Variants in TRPC1 observed in about 807,000 individuals in gnomAD.
The protein encoded by TRPC1 is transient receptor potential cation channel subfamily C member 1.
In TRPC1, 42 loss-of-function variants were observed where a neutral mutation model predicts 88.2. The observed-to-expected ratio is 0.48, with a 90% CI of 0.37 to 0.62. TRPC1 has a LOEUF of 0.62. Ranked by LOEUF, TRPC1 falls within the 20% of genes least tolerant of loss-of-function variation. The probability of loss-of-function intolerance (pLI) is 0.00; values close to 1 mark genes in which losing one functional copy is unlikely to be tolerated. For missense variants in TRPC1, 699 were observed against 957.3 expected (o/e 0.73, Z 3.56); for synonymous variants, 288 against 331.8 (o/e 0.87, Z 1.43).
Position 142,724,633 on chromosome 3 carries a change from C to T in TRPC1, c.74C>T (p.Ser25Phe). The T allele has an allele frequency of 6.2e-7, 1 of 1,612,848 alleles. No individual in the cohort carries two copies. Among genetic ancestry groups the T allele is most frequent in the Non-Finnish European group, 8.5e-7 (1 of 1,179,518 alleles). ...TCCTCCCTGCCTTCCTCTCCATCCTCTTCCTCGCCGAACGAGGTGATGGCG... is the reference window on the plus strand; with the variant it reads ...TCCTCCCTGCCTTCCTCTCCATCCTTTTCCTCGCCGAACGAGGTGATGGCG... ...SSSSLPSSPS[S>F]SSPNEVMALK... Residue 25 changes from serine (S) to phenylalanine (F), a missense_variant, in exon 1 of 13, where the codon TCT becomes TTT. By Grantham distance (155) the Ser-to-Phe change is radical. Coordinates refer to ENST00000476941, the MANE Select transcript of TRPC1 (RefSeq NM_001251845.2). The surrounding 1 kb of genome is among the most constrained non-coding windows in gnomAD (Gnocchi z 5.6).
intron 1 of TRPC1, among the ~76,000 whole-genome samples, chr3:142,727,188 T>C (rs1933713781): frequency 6.6e-6 from 1 of 152,204 alleles, no homozygotes; most frequent in African/African-American, 2.4e-5. Flanking sequence ...TTACATTTGT[T>C]CAATGAAGGG....
At chr3:142,775,657 G>A (rs941286007) in intron 4 of TRPC1, among the ~76,000 whole-genome samples, 1 of 151,978 alleles carries the variant, frequency 6.6e-6, no homozygotes, top group Non-Finnish European at 1.5e-5. Flanking sequence ...TTGGACAGTA[G>A]GCTAATTTCT....
At chr3:142,802,780 C>T (rs45497994) in intron 10 of TRPC1, among the ~76,000 whole-genome samples, 43,156 of 152,018 alleles carry the variant, frequency 0.28, 7,896 homozygotes, top group African/African-American at 0.53. Context: ...ATTAGAACTT[C>T]ATGAACATTT....
At chr3:142,727,031 A>C (rs1252242160) in intron 1 of TRPC1, among the ~76,000 whole-genome samples, 1 of 152,166 alleles carries the variant, frequency 6.6e-6, no homozygotes, top group Non-Finnish European at 1.5e-5. Flanking sequence ...TTGAGCCTGC[A>C]CTCCTAACCA....
chr3:142,739,428 T>G (rs1290312687), intron 2 of TRPC1, among the ~76,000 whole-genome samples: 1 of 152,162 alleles, frequency 6.6e-6, no homozygotes, highest in Non-Finnish European at 1.5e-5. Flanking sequence ...TAATCTACTC[T>G]CAAACATGTA....
chr3:142,749,054 A>T (rs1934658046), intron 4 of TRPC1, among the ~76,000 whole-genome samples: 1 of 152,232 alleles, frequency 6.6e-6, no homozygotes, highest in Non-Finnish European at 1.5e-5. Flanking sequence ...TCTGATTTTC[A>T]GCAGAAACAT....
chr3:142,765,053 T>C (rs1935334297), intron 4 of TRPC1, among the ~76,000 whole-genome samples: 1 of 152,116 alleles, frequency 6.6e-6, no homozygotes, highest in Non-Finnish European at 1.5e-5. Context: ...AAATCAAGAA[T>C]GCAGTCCCAT....
Position 142,806,190 on chromosome 3 carries a change from T to C in TRPC1, c.2337T>C (p.Leu779=). 4 of 1,613,434 alleles carry C rather than the reference T, an allele frequency of 2.5e-6. No individual in the cohort carries two copies. The highest frequency in any genetic ancestry group is 3.4e-6 in the Non-Finnish European group (4 of 1,179,462). ...TCCGAAATGAAATAAGGGATTTACTTGGCTTTCGGACTTCTAAATATGCTA... is the reference window on the plus strand; with the variant it reads ...TCCGAAATGAAATAAGGGATTTACTCGGCTTTCGGACTTCTAAATATGCTA... ...SKFRNEIRDL[L]GFRTSKYAMF... The change falls in exon 13 of 13, where the codon CTT becomes CTC. Residue 779 remains leucine (L), a synonymous_variant. Coordinates refer to ENST00000476941, the MANE Select transcript of TRPC1 (RefSeq NM_001251845.2).
At chr3:142,768,073 A>G (rs1003422203) in intron 4 of TRPC1, among the ~76,000 whole-genome samples, 8 of 152,000 alleles carry the variant, frequency 5.3e-5, no homozygotes, top group Admixed American at 2.6e-4. Flanking sequence ...GTATGATTTT[A>G]TGCCTTTTTA....
intron 6 of TRPC1, among the ~76,000 whole-genome samples, chr3:142,783,466 A>G (rs548804985): frequency 6.6e-6 from 1 of 152,330 alleles, no homozygotes; most frequent in Non-Finnish European, 1.5e-5. Flanking sequence ...TCTTTCAATT[A>G]CTTATAACAC....
chr3:142,780,843 T>C lies in TRPC1; in HGVS notation c.774T>C (p.Tyr258=). The C allele has an allele frequency of 1.9e-6, 3 of 1,605,670 alleles. No homozygotes were observed. In the South Asian group the frequency reaches 3.4e-5, roughly 18 times the overall value. ...SLVEVEFRND[Y]EELARQCKMF... The stretch of plus-strand genomic sequence containing the variant: ...ATGCTGCATTTTATAGGAATGATTA[T>C]GAGGAACTAGCCCGGCAATGTAAAA... Residue 258 remains tyrosine (Y), a synonymous_variant, in exon 6 of 13, where the codon TAT becomes TAC. Coordinates refer to ENST00000476941, the MANE Select transcript of TRPC1 (RefSeq NM_001251845.2).
chr3:142,736,233 A>G, intron 1 of TRPC1, 146 bp from the exon 2 acceptor site: 1 of 514,080 alleles, frequency 1.9e-6, no homozygotes, highest in Non-Finnish European at 3.1e-6. Flanking sequence ...CATCAAGGAA[A>G]TGTTCACATT....
Position 142,804,580 on chromosome 3 carries a change from A to C in TRPC1, c.2104A>C (p.Ile702Leu), listed in dbSNP as rs1337490696. 2 of 1,611,778 alleles carry C rather than the reference A, an allele frequency of 1.2e-6. No individual in the cohort carries two copies. Among genetic ancestry groups the C allele is most frequent in the Non-Finnish European group, 1.7e-6 (2 of 1,178,886 alleles). Reference sequence around the variant, plus strand: ...TATGATTAGTAGCCTCAGTAAGTGGATTTGCTCTCATACATCAAAAGGCAA... The same window carrying C: ...TATGATTAGTAGCCTCAGTAAGTGGCTTTGCTCTCATACATCAAAAGGCAA... ...CYMISSLSKW[I>L]CSHTSKGKVK... is the part of the protein sequence containing the mutation. Residue 702 changes from isoleucine (I) to leucine (L), a missense_variant, in exon 12 of 13, where the codon ATT becomes CTT. Physicochemically the swap from Ile to Leu is conservative, Grantham distance 5. Transcript: ENST00000476941.
chr3:142,788,426 A>G lies in TRPC1; in HGVS notation c.1298-2593A>G, dbSNP rs183020501. ...TGAAGGAAAGGGAGATTATTAAGCA[A>G]TATTGGTCTTTTGGAAGAGTACTAG... On this transcript the variant is annotated intron_variant, in intron 7 of 12. Transcript: ENST00000476941. Among the ~76,000 whole-genome samples the G allele has an allele frequency of 2.8e-3, 431 of 152,244 alleles. 1 individual carries two copies. Among genetic ancestry groups the G allele is most frequent in the Non-Finnish European group, 5.1e-3 (349 of 68,022 alleles).
In TRPC1 at chr3:142,803,827, T is replaced by A; in HGVS notation, c.1758-150T>A. ...TTGTTTAAATTTAAAGTAAGGCATA[T>A]CAGTACTGTGGAAGTCAACATCATT... On this transcript the variant is annotated intron_variant, in intron 10 of 12. Transcript: ENST00000476941. The A allele has an allele frequency of 1.5e-5, 11 of 731,916 alleles. No homozygotes were observed. In the South Asian group the frequency reaches 1.9e-4, roughly 13 times the overall value. 45.3% of individuals were successfully genotyped at this position (731,916 alleles called of 1,614,324 possible). A position where few individuals can be genotyped will look rare whatever the true frequency, so the allele number is the denominator to read the frequency against.
intron 4 of TRPC1, among the ~76,000 whole-genome samples, chr3:142,768,447 A>AGT (rs1935470964): frequency 6.6e-6 from 1 of 151,738 alleles, no homozygotes; most frequent in African/African-American, 2.4e-5. Flanking sequence ...ACTTTTTCCA[A>AGT]CCCTTTATTT....
intron 4 of TRPC1, among the ~76,000 whole-genome samples, chr3:142,762,752 A>C (rs66897945): frequency 0.28 from 43,245 of 151,948 alleles, 7,268 homozygotes; most frequent in African/African-American, 0.48. Flanking sequence ...CTAGTTCTTC[A>C]AGGTGCATCA....
At chr3:142,782,814 C>G (rs1273646993) in intron 6 of TRPC1, among the ~76,000 whole-genome samples, 1 of 152,164 alleles carries the variant, frequency 6.6e-6, no homozygotes, top group Non-Finnish European at 1.5e-5. Context: ...TGAGAAGCCT[C>G]TGCGGGCTGG....
At chr3:142,765,733 T>C (rs1050264296) in intron 4 of TRPC1, among the ~76,000 whole-genome samples, 5 of 152,090 alleles carry the variant, frequency 3.3e-5, no homozygotes, top group Non-Finnish European at 5.9e-5. Context: ...TGGGACCTAA[T>C]TAAACTGAAG....
Sources: allele counts gnomAD v4.1 joint callset (sites outside exome capture counted in the v4.1 genomes callset), GRCh38; gene constraint gnomAD v4.1.1; non-coding constraint Gnocchi (gnomAD v3.1); transcripts MANE v1.5; gene names NCBI Gene and HGNC (gene_info 2026-07-23, HGNC 2026-07-21).